Variants in SCFD2 observed in about 807,000 individuals in gnomAD.
The protein encoded by SCFD2 is sec1 family domain containing 2.
Under a neutral mutation model 58.9 loss-of-function variants are expected in SCFD2, and 54 were observed. The ratio of observed to expected loss-of-function variants is 0.92; its 90% confidence interval spans 0.74 to 1.15. The LOEUF is 1.15. Among genes scored for constraint, SCFD2 ranks in the 50% most tolerant of loss-of-function variants. The pLI is 0.00. For missense variants in SCFD2, 805 were observed against 836.6 expected, an observed-to-expected ratio of 0.96 and a Z score of 0.47; for synonymous variants, 321 against 335.9, an observed-to-expected ratio of 0.96 and a Z score of 0.49.
intron 5 of SCFD2, among the ~76,000 whole-genome samples, chr4:53,131,080 T>C (rs1725774106): frequency 6.6e-6 from 1 of 152,184 alleles, no homozygotes; most frequent in African/African-American, 2.4e-5. Flanking sequence ...TTTTAAATCA[T>C]TAAGCATAAA....
chr4:53,365,245 G>T lies in SCFD2; in HGVS notation c.697C>A (p.Arg233=). The change falls in exon 1 of 9, where the codon CGG becomes AGG. Residue 233 remains arginine (R), a synonymous_variant. Coordinates refer to ENST00000401642, the MANE Select transcript of SCFD2 (RefSeq NM_152540.4). This position sits in a 1 kb window ranked among gnomAD's most constrained non-coding sequence, Gnocchi z 4.3. ...GAACCTACAGCAAAACACTCCTCCC[G>T]TACTCCTAAATGTTCACACAGAGAA... The part of the protein sequence containing the change: ...LSSLCEHLGV[R]EECFAVGSLS... 1 of 1,614,118 alleles carries T rather than the reference G, an allele frequency of 6.2e-7. No homozygotes were observed. The highest frequency in any genetic ancestry group is 1.1e-5 in the South Asian group (1 of 91,082).
At chr4:52,879,101 A>G (rs369667266) in intron 8 of SCFD2, among the ~76,000 whole-genome samples, 1 of 151,352 alleles carries the variant, frequency 6.6e-6, no homozygotes, top group Non-Finnish European at 1.5e-5. Context: ...CGACCCATCA[A>G]CTCCTAGCCA....
Position 53,365,208 on chromosome 4 carries a change from A to G in SCFD2, c.734T>C (p.Val245Ala). The change falls in exon 1 of 9, where the codon GTC (valine) becomes GCC (alanine). Residue 245 changes from valine (V) to alanine (A), a missense_variant. By Grantham distance (64) the Val-to-Ala change is moderately conservative (BLOSUM62 0). This residue lies in a region of SCFD2 where 633 missense variants were observed against 646.8 expected (regional missense o/e 0.98). Coordinates refer to ENST00000401642, the MANE Select transcript of SCFD2 (RefSeq NM_152540.4). The surrounding 1 kb of genome is among the most constrained non-coding windows in gnomAD (Gnocchi z 4.3). ...ATAATTGGCCAGATCCGCAGCGATG[A>G]CCTGACTTAAGGAACCTACAGCAAA... Reference protein sequence around the residue: ...ECFAVGSLSQVIAADLANYAP... With the variant: ...ECFAVGSLSQAIAADLANYAP... 1 of 1,614,154 alleles carries G rather than the reference A, an allele frequency of 6.2e-7. No homozygotes were observed. The highest frequency in any genetic ancestry group is 1.1e-5 in the South Asian group (1 of 91,078).
intron 5 of SCFD2, among the ~76,000 whole-genome samples, chr4:53,099,467 T>C (rs1213934128): frequency 6.6e-6 from 1 of 152,194 alleles, no homozygotes; most frequent in Non-Finnish European, 1.5e-5. Flanking sequence ...GGCTGGGTAA[T>C]TTATCAAGAA....
intron 4 of SCFD2, among the ~76,000 whole-genome samples, chr4:53,186,633 C>T (rs1003949612): frequency 3.3e-5 from 5 of 151,936 alleles, no homozygotes; most frequent in African/African-American, 9.7e-5. Context: ...TGAGATAAAA[C>T]ATTTAAATAT....
chr4:53,227,692 C>A (rs1729267910), intron 4 of SCFD2, among the ~76,000 whole-genome samples: 1 of 151,974 alleles, frequency 6.6e-6, no homozygotes. Context: ...TGGAAAATGG[C>A]AAATAAGATG....
At chr4:53,175,310 A>G (rs1170900820) in intron 4 of SCFD2, among the ~76,000 whole-genome samples, 1 of 152,188 alleles carries the variant, frequency 6.6e-6, no homozygotes, top group African/African-American at 2.4e-5. Flanking sequence ...AGGGACTAGG[A>G]AATTGGATGT....
Position 53,129,218 on chromosome 4 carries a change from GAAAACAAAAC to G in SCFD2, c.1561+16105_1561+16114del, listed in dbSNP as rs5858206. 4.1e-3 allele frequency among the ~76,000 whole-genome samples: 603 copies of G among 148,774 alleles called. 3 individuals carry two copies. Among genetic ancestry groups the G allele is most frequent in the Admixed American group, 6.9e-3 (103 of 14,896 alleles). ...GAAAGTTCAGGCGTGTATCTTGGAA[GAAAACAAAAC>G]AAAACAAAACAAAACAAAACAAAAC... On this transcript the variant is annotated intron_variant, in intron 5 of 8. Transcript: ENST00000401642.
intron 5 of SCFD2, among the ~76,000 whole-genome samples, chr4:53,107,582 C>A (rs1156625883): frequency 6.6e-6 from 1 of 152,020 alleles, no homozygotes; most frequent in Non-Finnish European, 1.5e-5. Flanking sequence ...TGATCCTAGT[C>A]CCCGATTAAA....
In SCFD2 at chr4:53,341,397, A is replaced by G. The variant is rs182337952; in HGVS notation, c.1007+11201T>C. 5.9e-5 allele frequency among the ~76,000 whole-genome samples: 9 copies of G among 152,300 alleles called. No individual in the cohort carries two copies. In the East Asian group the frequency reaches 7.7e-4, roughly 13 times the overall value. On this transcript the variant is annotated intron_variant, in intron 2 of 8. Coordinates refer to ENST00000401642, the MANE Select transcript of SCFD2 (RefSeq NM_152540.4). ...ATGAACGAAATGAAGCAAGAAGAGA[A>G]GTTTAGAGAAAAAAGAGTGAGAAGA...
intron 5 of SCFD2, among the ~76,000 whole-genome samples, chr4:53,140,175 C>G (rs2148908031): frequency 6.6e-6 from 1 of 150,974 alleles, no homozygotes; most frequent in East Asian, 1.9e-4. Flanking sequence ...AAATCCCCCT[C>G]TCCGAGAAAC....
intron 3 of SCFD2, among the ~76,000 whole-genome samples, chr4:53,303,006 A>G (rs1257477204): frequency 6.6e-6 from 1 of 152,232 alleles, no homozygotes; most frequent in South Asian, 2.1e-4. Flanking sequence ...CCCTAGAAGA[A>G]AACCTAGGCA....
At chr4:52,993,396 CTAAAAAAA>C (rs139454258) in intron 5 of SCFD2, among the ~76,000 whole-genome samples, 48,995 of 151,364 alleles carry the variant, frequency 0.32, 8,603 homozygotes, top group Admixed American at 0.44. Flanking sequence ...TCAATAAATA[CTAAAAAAA>C]TAAAAAAATA....
chr4:52,919,661 G>A (rs758944071), intron 6 of SCFD2, among the ~76,000 whole-genome samples: 5 of 152,188 alleles, frequency 3.3e-5, no homozygotes, highest in Non-Finnish European at 7.3e-5. Flanking sequence ...CCTGTGGCAC[G>A]TCACTTGGCC....
intron 5 of SCFD2, among the ~76,000 whole-genome samples, chr4:53,072,905 C>A (rs1298809741): frequency 6.6e-6 from 1 of 152,102 alleles, no homozygotes; most frequent in African/African-American, 2.4e-5. Flanking sequence ...TTACCCCAGA[C>A]AGTGATGTCG....
intron 5 of SCFD2, among the ~76,000 whole-genome samples, chr4:53,118,984 AG>A (rs1182336954): frequency 3.9e-5 from 6 of 152,224 alleles, no homozygotes; most frequent in Non-Finnish European, 8.8e-5. Flanking sequence ...GTAACTGGAA[AG>A]AAGAGGCCCA....
intron 4 of SCFD2, among the ~76,000 whole-genome samples, chr4:53,151,016 T>C (rs1726489977): frequency 6.6e-6 from 1 of 152,194 alleles, no homozygotes; most frequent in African/African-American, 2.4e-5. Flanking sequence ...AAAATATTAC[T>C]ACCACGACTC....
At chr4:53,143,552 A>G (rs1475098650) in intron 5 of SCFD2, among the ~76,000 whole-genome samples, 1 of 152,202 alleles carries the variant, frequency 6.6e-6, no homozygotes. Flanking sequence ...TGGAAACTTC[A>G]TTCAATTCCC....
intron 3 of SCFD2, among the ~76,000 whole-genome samples, chr4:53,286,667 C>T (rs1292441094): frequency 6.6e-6 from 1 of 152,176 alleles, no homozygotes; most frequent in African/African-American, 2.4e-5. Context: ...AGAGCTTTGG[C>T]TGAGCTGTGG....
Sources: gnomAD v4.1 joint callset for allele counts (sites outside exome capture counted in the v4.1 genomes callset) on GRCh38, gnomAD v4.1.1 for gene constraint, gnomAD v4.1.1 regional missense constraint, Gnocchi (gnomAD v3.1) non-coding constraint, MANE v1.5 for transcripts, NCBI Gene and HGNC (gene_info 2026-07-23, HGNC 2026-07-21) for gene names.